Variants in PRKAR1B observed in about 807,000 individuals in gnomAD.
PRKAR1B encodes the protein protein kinase cAMP-dependent type I regulatory subunit beta.
PRKAR1B carries 22 observed loss-of-function variants against 46.5 expected under a neutral mutation model. That is an observed-to-expected ratio of 0.47 (90% CI 0.34 to 0.68). The LOEUF (loss-of-function observed/expected upper bound fraction) is 0.68, where lower values mean the gene tolerates loss of function less well. Ranked by LOEUF, PRKAR1B falls within the 30% of genes least tolerant of loss-of-function variation. The pLI, the probability that PRKAR1B is intolerant of heterozygous loss-of-function variation, is 0.01. For synonymous variants in PRKAR1B, 259 were observed against 217.7 expected (o/e 1.19, Z -1.67); for missense variants, 445 against 535.6 (o/e 0.83, Z 1.67).
At chr7:727,412 GC>G, upstream of PRKAR1B, 2 of 520,400 alleles carry the variant, frequency 3.8e-6, no homozygotes, top group Non-Finnish European at 4.9e-6. Flanking sequence ...GCTCGGCCCC[GC>G]CCCCCTCCAC....
In PRKAR1B at chr7:670,330, C is replaced by T. The variant is rs185974051; in HGVS notation, c.440+6899G>A. Among the ~76,000 whole-genome samples the T allele has an allele frequency of 4.7e-3, 721 of 152,300 alleles. 4 individuals are homozygous for T. The highest frequency in any genetic ancestry group is 0.024 in the South Asian group (117 of 4,816). Reference sequence around the variant, plus strand: ...CCAGCATCCCTGCAACCACGCCAGGCCAGGGGACCAGTCCATGGCCCATGC... The same window carrying T: ...CCAGCATCCCTGCAACCACGCCAGGTCAGGGGACCAGTCCATGGCCCATGC... On this transcript the variant is annotated intron_variant, in intron 4 of 10. Coordinates refer to ENST00000537384, the MANE Select transcript of PRKAR1B (RefSeq NM_001164760.2).
chr7:606,842 TTTAC>T lies in PRKAR1B; in HGVS notation c.502+545_502+548del, dbSNP rs1210132087. Among the ~76,000 whole-genome samples, 22 of 152,106 alleles carry T rather than the reference TTTAC, an allele frequency of 1.4e-4. No homozygotes were observed. The East Asian group carries it at 1.7e-3, about 12-fold the overall frequency. On this transcript the variant is annotated intron_variant, in intron 5 of 10. Transcript: ENST00000537384. ...TTTATACATATGTATATATTTTATA[TTTAC>T]TTAGTTTTATACATATATGTATCTA... is the stretch of plus-strand genomic sequence containing the variant.
rs539860765 is a variant in PRKAR1B at position 644,586 on chromosome 7, C to A, written c.440+32643G>T. ...CTGAGGGGGCACCAGTCTGGCCATG[C>A]GAGTGCCCACAACTGGAAGGAAGCA... On this transcript the variant is annotated intron_variant, in intron 4 of 10. Transcript: ENST00000537384. The surrounding 1 kb of genome is among the most constrained non-coding windows in gnomAD (Gnocchi z 4.9). Among the ~76,000 whole-genome samples the A allele has an allele frequency of 6.6e-6, 1 of 152,180 alleles. No individual in the cohort carries two copies. The highest frequency in any genetic ancestry group is 1.5e-5 in the Non-Finnish European group (1 of 68,026).
At chr7:563,810 G>C (rs547264923) in intron 9 of PRKAR1B, among the ~76,000 whole-genome samples, 3 of 152,096 alleles carry the variant, frequency 2.0e-5, no homozygotes, top group Admixed American at 1.3e-4. Flanking sequence ...TGTGTGCACA[G>C]GTGTGCCTGT....
At chr7:561,132 AACACAC>A (rs35193364) in intron 9 of PRKAR1B, among the ~76,000 whole-genome samples, 2,254 of 146,750 alleles carry the variant, frequency 0.015, 36 homozygotes, top group Non-Finnish European at 0.021. Flanking sequence ...CAGGCACACA[AACACAC>A]ACACACACAC....
At chr7:580,275 C>T (rs1452373075) in intron 8 of PRKAR1B, among the ~76,000 whole-genome samples, 2 of 151,232 alleles carry the variant, frequency 1.3e-5, no homozygotes, top group South Asian at 2.1e-4. Flanking sequence ...AAAAACTGGC[C>T]GGGTGCAGTG....
At chr7:718,616 T>TA (rs1253223168) in intron 1 of PRKAR1B, among the ~76,000 whole-genome samples, 1 of 151,800 alleles carries the variant, frequency 6.6e-6, no homozygotes, top group Non-Finnish European at 1.5e-5. Flanking sequence ...CTCAGCCTCT[T>TA]AAAGTGCTGG....
At chr7:721,915 T>C (rs192818654) in intron 1 of PRKAR1B, among the ~76,000 whole-genome samples, 24 of 152,258 alleles carry the variant, frequency 1.6e-4, no homozygotes, top group Admixed American at 3.9e-4. Context: ...TGTTCCTCTC[T>C]AGGCAAGGCA....
At chr7:664,328 T>G (rs114997349) in intron 4 of PRKAR1B, among the ~76,000 whole-genome samples, 3,841 of 152,258 alleles carry the variant, frequency 0.025, 79 homozygotes, top group Middle Eastern at 0.058. Flanking sequence ...CAGTGGCCAG[T>G]GCTGCACCAG....
intron 1 of PRKAR1B, chr7:712,870 C>T (rs1352909788): frequency 6.6e-6 from 1 of 152,192 alleles, no homozygotes; most frequent in Non-Finnish European, 1.5e-5. Flanking sequence ...ACATCCCTGC[C>T]TCTGCAGGAC....
At chr7:619,199 G>A (rs1047139301) in intron 4 of PRKAR1B, among the ~76,000 whole-genome samples, 10 of 152,250 alleles carry the variant, frequency 6.6e-5, no homozygotes, top group African/African-American at 2.4e-4. Flanking sequence ...CAGCAGGGAG[G>A]CAACACGGCA....
chr7:700,116 C>T (rs988155720), intron 2 of PRKAR1B, among the ~76,000 whole-genome samples: 3 of 152,106 alleles, frequency 2.0e-5, no homozygotes, highest in African/African-American at 7.2e-5. Flanking sequence ...TGAACTGATA[C>T]GAGTGTGAGG....
Position 583,595 on chromosome 7 carries a change from T to C in PRKAR1B, c.769+913A>G, listed in dbSNP as rs529637960. Among the ~76,000 whole-genome samples the C allele has an allele frequency of 1.7e-4, 11 of 65,512 alleles. No homozygotes were observed. The South Asian group carries it at 3.3e-3, about 20-fold the overall frequency. 43.0% of individuals were successfully genotyped at this position (65,512 alleles called of 152,430 possible). ...GCACACACACTTGCACACTCCCAGG[T>C]GCACACACACCCCCTCACACGTGCA... On this transcript the variant is annotated intron_variant, in intron 8 of 10. Transcript: ENST00000537384.
intron 1 of PRKAR1B, among the ~76,000 whole-genome samples, chr7:723,519 T>C (rs1004556410): frequency 3.9e-5 from 6 of 152,212 alleles, no homozygotes; most frequent in African/African-American, 7.2e-5. Flanking sequence ...TCGCCTGCTA[T>C]GTGCAGGGTA....
chr7:703,906 C>A (rs1215254872), intron 2 of PRKAR1B, among the ~76,000 whole-genome samples: 1 of 151,980 alleles, frequency 6.6e-6, no homozygotes, highest in African/African-American at 2.4e-5. Context: ...AAATAAATAA[C>A]AGAGAGATAT....
chr7:641,327 AACGT>A (rs1327395158), intron 4 of PRKAR1B, among the ~76,000 whole-genome samples: 1 of 152,188 alleles, frequency 6.6e-6, no homozygotes, highest in African/African-American at 2.4e-5. Flanking sequence ...GAGAAGTGAA[AACGT>A]ACGTTCACAC....
At chr7:657,517 G>A (rs1412930365) in intron 4 of PRKAR1B, among the ~76,000 whole-genome samples, 1 of 152,210 alleles carries the variant, frequency 6.6e-6, no homozygotes, top group African/African-American at 2.4e-5. Context: ...CTCTGGTCAA[G>A]AAGTAAGAAG....
In PRKAR1B at chr7:553,527, G is replaced by A. The variant is rs547430548; in HGVS notation, c.892-2057C>T. ...CCTGCAGCCTGGCCCTCCAGGGTCC[G>A]GAGACGGCACCATCCGGGTACCCAG... On this transcript the variant is annotated intron_variant, in intron 9 of 10. Transcript: ENST00000537384. Among the ~76,000 whole-genome samples, 18 of 152,346 alleles carry A rather than the reference G, an allele frequency of 1.2e-4. 1 individual carries two copies. The South Asian group carries it at 3.5e-3, about 30-fold the overall frequency.
In PRKAR1B at chr7:602,964, G is replaced by A. The variant is rs1177623345; in HGVS notation, c.549+3229C>T. Among the ~76,000 whole-genome samples the A allele has an allele frequency of 1.3e-5, 2 of 152,164 alleles. No individual in the cohort carries two copies. The highest frequency in any genetic ancestry group is 2.1e-4 in the South Asian group (1 of 4,822). On this transcript the variant is annotated intron_variant, in intron 6 of 10. Transcript: ENST00000537384. The surrounding 1 kb of genome is among the most constrained non-coding windows in gnomAD (Gnocchi z 6.4). ...CCGTCCACCACCCTCCTCGAGACAC[G>A]ACAAGTTAGGCGGGAACATAACCTG...
Sources: gnomAD v4.1 joint callset for allele counts (sites outside exome capture counted in the v4.1 genomes callset) on GRCh38, gnomAD v4.1.1 for gene constraint, Gnocchi (gnomAD v3.1) non-coding constraint, MANE v1.5 for transcripts, NCBI Gene and HGNC (gene_info 2026-07-23, HGNC 2026-07-21) for gene names.